VAV3: variants seen among roughly 807,000 people sequenced by gnomAD.
VAV3 encodes the protein vav guanine nucleotide exchange factor 3.
Under a neutral mutation model 131.2 loss-of-function variants are expected in VAV3, and 94 were observed. The observed-to-expected ratio is 0.72, with a 90% CI of 0.61 to 0.85. VAV3 has a LOEUF of 0.85. Among genes scored for constraint, VAV3 ranks in the 40% least tolerant of loss-of-function variants. VAV3 has a pLI of 0.00. For synonymous variants in VAV3, 349 were observed against 342.0 expected (o/e 1.02, Z -0.22); for missense variants, 939 against 1,002.7 (o/e 0.94, Z 0.86).
chr1:107,635,666 A>G, intron 20 of VAV3, among the ~76,000 whole-genome samples: 1 of 152,176 alleles, frequency 6.6e-6, no homozygotes, highest in Non-Finnish European at 1.5e-5. Context: ...ACTGCCACAA[A>G]TTTGATGGTG....
intron 1 of VAV3, among the ~76,000 whole-genome samples, chr1:107,887,033 G>T (rs1471480670): frequency 1.3e-5 from 2 of 152,184 alleles, no homozygotes; most frequent in Non-Finnish European, 2.9e-5. Flanking sequence ...GTAAACATAA[G>T]TTATTAAGTT....
chr1:107,770,075 A>T (rs1664951424), intron 6 of VAV3, among the ~76,000 whole-genome samples: 1 of 152,072 alleles, frequency 6.6e-6, no homozygotes, highest in South Asian at 2.1e-4. Context: ...CCTCATGCTC[A>T]GTCCCCTTCC....
chr1:107,657,606 G>A (rs1013647904), intron 19 of VAV3, among the ~76,000 whole-genome samples: 2 of 152,098 alleles, frequency 1.3e-5, no homozygotes, highest in South Asian at 2.1e-4. Flanking sequence ...CACTTTGGAC[G>A]TATTACTTCT....
At chr1:107,835,499 T>C (rs1284195368) in intron 2 of VAV3, among the ~76,000 whole-genome samples, 1 of 152,108 alleles carries the variant, frequency 6.6e-6, no homozygotes, top group Non-Finnish European at 1.5e-5. Context: ...TGGGCATGCC[T>C]CCCTCTGCGG....
intron 1 of VAV3, among the ~76,000 whole-genome samples, chr1:107,900,214 C>T (rs908511072): frequency 1.3e-5 from 2 of 152,092 alleles, no homozygotes; most frequent in Non-Finnish European, 2.9e-5. Context: ...CTTAGGAAAC[C>T]TACTGAAAAT....
intron 21 of VAV3, 76 bp from the exon 22 acceptor site, chr1:107,610,041 A>G: frequency 1.4e-6 from 2 of 1,392,808 alleles, no homozygotes; most frequent in South Asian, 2.3e-5. Flanking sequence ...AATTCAGTTC[A>G]GCTGACTCAG....
At chr1:107,964,378 G>A (rs1464165312) in intron 1 of VAV3, 1 of 322,212 alleles carries the variant, frequency 3.1e-6, no homozygotes, top group Non-Finnish European at 5.8e-6. Flanking sequence ...CGCAGAGTAG[G>A]TGAAGGGCAC....
intron 18 of VAV3, among the ~76,000 whole-genome samples, chr1:107,686,664 C>T (rs12140965): frequency 0.17 from 25,290 of 151,972 alleles, 2,405 homozygotes; most frequent in Middle Eastern, 0.26. Flanking sequence ...TACAGTCACA[C>T]AGTAAATAAA....
At chr1:107,895,677 C>T (rs1218656772) in intron 1 of VAV3, among the ~76,000 whole-genome samples, 1 of 152,106 alleles carries the variant, frequency 6.6e-6, no homozygotes, top group African/African-American at 2.4e-5. Context: ...TTATTGGCCA[C>T]GTCACTGATT....
At chr1:107,767,100 T>G (rs1230643855) in intron 7 of VAV3, among the ~76,000 whole-genome samples, 1 of 152,208 alleles carries the variant, frequency 6.6e-6, no homozygotes, top group African/African-American at 2.4e-5. Flanking sequence ...AAATTTGTAC[T>G]TTGGTCAATT....
At chr1:107,629,413 T>C (rs1029400042) in intron 20 of VAV3, among the ~76,000 whole-genome samples, 1 of 152,228 alleles carries the variant, frequency 6.6e-6, no homozygotes, top group Non-Finnish European at 1.5e-5. Context: ...GACTTTTTTA[T>C]CACATATTGC....
At chr1:107,780,170 A>G (rs1665614347) in intron 2 of VAV3, among the ~76,000 whole-genome samples, 1 of 152,206 alleles carries the variant, frequency 6.6e-6, no homozygotes, top group East Asian at 1.9e-4. Context: ...CATCTTCTAG[A>G]TAATGCCTAT....
intron 25 of VAV3, among the ~76,000 whole-genome samples, chr1:107,577,056 C>A (rs1023690458): frequency 6.6e-6 from 1 of 152,166 alleles, no homozygotes; most frequent in South Asian, 2.1e-4. Flanking sequence ...TAGAGATGTA[C>A]AGAAAAGTTA....
At chr1:107,705,145 A>G in intron 15 of VAV3, 84 bp from the exon 16 acceptor site, 1 of 1,075,076 alleles carries the variant, frequency 9.3e-7, no homozygotes, top group Non-Finnish European at 1.4e-6. Flanking sequence ...AATTCATCAA[A>G]ATGACATCAG....
At position 107,617,287 on chromosome 1, in the gene VAV3, G is replaced by A. The variant is rs193025611; in HGVS notation, c.1980+280C>T. The stretch of plus-strand genomic sequence containing the variant: ...GGGAAAGGGGAAACCTGTACAATGC[G>A]TCTAATTTGTAGCTGTGGTTTATTT... On this transcript the variant is annotated intron_variant, in intron 21 of 26. Coordinates refer to ENST00000370056, the MANE Select transcript of VAV3 (RefSeq NM_006113.5). 8.2e-3 allele frequency among the ~76,000 whole-genome samples: 1,242 copies of A among 152,212 alleles called. 9 individuals are homozygous for A. Among genetic ancestry groups the A allele is most frequent in the Middle Eastern group, 0.024 (7 of 294 alleles).
intron 19 of VAV3, among the ~76,000 whole-genome samples, chr1:107,659,902 C>T (rs1032088989): frequency 6.6e-6 from 1 of 152,100 alleles, no homozygotes; most frequent in African/African-American, 2.4e-5. Flanking sequence ...ATCCCTCATC[C>T]GCACAATGTT....
intron 2 of VAV3, among the ~76,000 whole-genome samples, chr1:107,815,856 A>G (rs1006372369): frequency 6.6e-6 from 1 of 152,176 alleles, no homozygotes; most frequent in African/African-American, 2.4e-5. Context: ...TTTGTGGAAG[A>G]CAAGTTTTCC....
intron 19 of VAV3, among the ~76,000 whole-genome samples, chr1:107,656,821 G>T (rs1656598123): frequency 6.6e-6 from 1 of 151,690 alleles, no homozygotes; most frequent in South Asian, 2.1e-4. Context: ...ACCTATGACA[G>T]TCTTTCCCAA....
intron 15 of VAV3, among the ~76,000 whole-genome samples, chr1:107,718,092 CCAA>C (rs1405819041): frequency 6.6e-6 from 1 of 152,084 alleles, no homozygotes; most frequent in Admixed American, 6.6e-5. Context: ...AAACCCACAG[CCAA>C]TATCATACTG....
Sources: allele counts gnomAD v4.1 joint callset (sites outside exome capture counted in the v4.1 genomes callset), GRCh38; gene constraint gnomAD v4.1.1; transcripts MANE v1.5; gene names NCBI Gene and HGNC (gene_info 2026-07-23, HGNC 2026-07-21).